The following MPP2 variants were observed in gnomAD, a reference collection of about 807,000 sequenced individuals.
MPP2 encodes MAGUK p55 scaffold protein 2.
MPP2 carries 42 observed loss-of-function variants against 58.5 expected under a neutral mutation model. The observed-to-expected ratio is 0.72, with a 90% confidence interval of 0.56 to 0.93. The LOEUF (loss-of-function observed/expected upper bound fraction) is 0.93, where lower values mean the gene tolerates loss of function less well. Among genes scored for constraint, MPP2 ranks in the 40% least tolerant of loss-of-function variants. The pLI is 0.00. For missense variants in MPP2, 632 were observed against 760.4 expected (o/e 0.83, Z 1.99); for synonymous variants, 300 against 307.8 (o/e 0.97, Z 0.26).
rs772390860 is a variant in MPP2 at position 43,879,390 on chromosome 17, AG to A, written c.1366del (p.Leu456TyrfsTer24). The A allele has an allele frequency of 6.2e-7, 1 of 1,614,166 alleles. No homozygotes were observed. The highest frequency in any genetic ancestry group is 8.5e-7 in the Non-Finnish European group (1 of 1,179,998). Reference protein sequence around the residue: ...LDVNPQAVKVLRTAEFVPYVV... With the variant: ...LDVNPQAVKVXRTAEFVPYVV... ...GTAAGGGACAAACTCGGCCGTTCGT[AG>A]CACCTTCACCGCCTGCAGAAGGAGA... On this transcript the variant is annotated frameshift_variant, in exon 12 of 13. Transcript: ENST00000269095. LOFTEE classifies it high-confidence loss of function. The surrounding 1 kb of genome is among the most constrained non-coding windows in gnomAD (Gnocchi z 4.1).
chr17:43,906,263 A>G, intron 1 of MPP2: 4 of 421,532 alleles, frequency 9.5e-6, no homozygotes, highest in Non-Finnish European at 1.3e-5. Context: ...TTCCCAGAGC[A>G]TCGGCTGGCT....
intron 3 of MPP2, among the ~76,000 whole-genome samples, chr17:43,891,768 A>G (rs986796044): frequency 6.6e-6 from 1 of 152,176 alleles, no homozygotes; most frequent in Non-Finnish European, 1.5e-5. Flanking sequence ...TTAATTTTTT[A>G]AAAATTCCTC....
intron 3 of MPP2, among the ~76,000 whole-genome samples, chr17:43,897,990 T>C (rs1242199577): frequency 6.6e-6 from 1 of 152,180 alleles, no homozygotes; most frequent in African/African-American, 2.4e-5. Context: ...TTCTCCAACA[T>C]GTGCATGCTA....
chr17:43,896,127 C>T (rs1290422888), intron 3 of MPP2, among the ~76,000 whole-genome samples: 2 of 152,098 alleles, frequency 1.3e-5, no homozygotes, highest in Non-Finnish European at 2.9e-5. Flanking sequence ...ACAGAAAACC[C>T]ACCACCTGGC....
rs981642395 is a variant in MPP2, at chr17:43,875,856, G to C, written c.*1951C>G. On this transcript the variant is annotated 3_prime_UTR_variant, in exon 13 of 13. Transcript: ENST00000269095. ...GGGGGCAGAAGCAGCTGCAACAACAGATCTTCCCCTGCCTCTACCCTCAAA... is the reference window on the plus strand; with the variant it reads ...GGGGGCAGAAGCAGCTGCAACAACACATCTTCCCCTGCCTCTACCCTCAAA... The C allele has an allele frequency of 1.3e-5, 2 of 152,330 alleles. No homozygotes were observed. Among genetic ancestry groups the C allele is most frequent in the Middle Eastern group, 3.4e-3 (1 of 294 alleles). 9.4% of individuals were successfully genotyped at this position (152,330 alleles called of 1,614,324 possible). A position where few individuals can be genotyped will look rare whatever the true frequency, so the allele number is the denominator to read the frequency against.
chr17:43,907,454 G>A lies in MPP2; in HGVS notation c.-34+20C>T. The A allele has an allele frequency of 1.0e-6, 1 of 985,604 alleles. No homozygotes were observed. The highest frequency in any genetic ancestry group is 1.2e-6 in the Non-Finnish European group (1 of 830,048). 61.1% of individuals were successfully genotyped at this position (985,604 alleles called of 1,614,324 possible). On this transcript the variant is annotated intron_variant, in intron 1 of 12. Coordinates refer to ENST00000269095, the MANE Select transcript of MPP2 (RefSeq NM_005374.5). ...GAGGTCTTGGGATAGGAGCTGGCCC[G>A]GGGGCCGGGGGACGCCTACCTGCGC...
chr17:43,894,424 T>A (rs1441054534), intron 3 of MPP2, among the ~76,000 whole-genome samples: 1 of 11,168 alleles, frequency 9.0e-5, no homozygotes, highest in African/African-American at 3.0e-4. Context: ...TCAAAATATA[T>A]ATATATATAT....
intron 2 of MPP2, chr17:43,900,444 G>GGCC: frequency 7.2e-6 from 6 of 836,960 alleles, no homozygotes; most frequent in Non-Finnish European, 1.1e-5. Flanking sequence ...CAGCTGCCCC[G>GGCC]CCCCCATCTG....
At position 43,879,654 on chromosome 17, in the gene MPP2, T is replaced by C. The variant is rs2047010822; in HGVS notation, c.1353+128A>G. ...AAAGGTTCCAGGTGGGCTGGGTTTC[T>C]AGCAGTAGTTGAGGGCAAAGGGGGT... On this transcript the variant is annotated intron_variant, in intron 11 of 12. Coordinates refer to ENST00000269095, the MANE Select transcript of MPP2 (RefSeq NM_005374.5). The surrounding 1 kb of genome is among the most constrained non-coding windows in gnomAD (Gnocchi z 4.1). 1.1e-5 allele frequency: 13 copies of C among 1,165,540 alleles called. No homozygotes were observed. The highest frequency in any genetic ancestry group is 1.6e-5 in the Non-Finnish European group (13 of 824,376). 72.2% of individuals were successfully genotyped at this position (1,165,540 alleles called of 1,614,324 possible).
At chr17:43,906,557 A>C (rs2143812906) in intron 1 of MPP2, among the ~76,000 whole-genome samples, 1 of 152,242 alleles carries the variant, frequency 6.6e-6, no homozygotes, top group East Asian at 1.9e-4. Context: ...ACACATACAA[A>C]GAGGTGCGGA....
At chr17:43,881,937 C>G (rs925871617) in intron 6 of MPP2, among the ~76,000 whole-genome samples, 2 of 152,158 alleles carry the variant, frequency 1.3e-5, no homozygotes, top group Admixed American at 6.5e-5. Context: ...GCAGCCACAC[C>G]CCCAGAATTG....
chr17:43,908,312 C>A (rs1597824539), upstream of MPP2, among the ~76,000 whole-genome samples: 1 of 152,248 alleles, frequency 6.6e-6, no homozygotes, highest in Non-Finnish European at 1.5e-5. Flanking sequence ...CTGTGCAGTG[C>A]GACTAGCATT....
At chr17:43,900,261 T>C (rs915140421) in intron 2 of MPP2, among the ~76,000 whole-genome samples, 11 of 152,232 alleles carry the variant, frequency 7.2e-5, no homozygotes, top group African/African-American at 2.4e-4. Context: ...CAGGGACCCT[T>C]CCCTTCCTGC....
chr17:43,898,957 T>C (rs1597804930), intron 2 of MPP2, among the ~76,000 whole-genome samples: 1 of 151,748 alleles, frequency 6.6e-6, no homozygotes, highest in Admixed American at 6.6e-5. Flanking sequence ...AGAGCAAGAC[T>C]GTCTCTGGCC....
intron 2 of MPP2, chr17:43,900,374 T>TC (rs2048037349): frequency 1.4e-6 from 2 of 1,430,216 alleles, no homozygotes; most frequent in African/African-American, 2.8e-5. Flanking sequence ...TCAGATGACC[T>TC]CTCCCAGGCC....
At chr17:43,887,315 T>C (rs919134168) in intron 3 of MPP2, among the ~76,000 whole-genome samples, 4 of 152,134 alleles carry the variant, frequency 2.6e-5, no homozygotes, top group African/African-American at 7.2e-5. Flanking sequence ...ACCCAGGAGA[T>C]TGAGGCTGCA....
In MPP2 at chr17:43,880,669, G is replaced by A. The variant is rs1222305039; in HGVS notation, c.1150+22C>T. The stretch of plus-strand genomic sequence containing the variant: ...AGCCCTGCTCCTTGTCCCCAACTCA[G>A]CAGGGCCCAGCTCCCACTCACAGGG... On this transcript the variant is annotated intron_variant, in intron 10 of 12. Transcript: ENST00000269095. The surrounding 1 kb of genome is among the most constrained non-coding windows in gnomAD (Gnocchi z 5.2). 6.3e-7 allele frequency: 1 copy of A among 1,583,100 alleles called. No homozygotes were observed. Among genetic ancestry groups the A allele is most frequent in the Non-Finnish European group, 8.6e-7 (1 of 1,160,718 alleles).
At position 43,882,227 on chromosome 17, in the gene MPP2, C is replaced by T. The variant is rs1404414785; in HGVS notation, c.681+57G>A. The T allele has an allele frequency of 4.6e-6, 7 of 1,509,670 alleles. No individual in the cohort carries two copies. In the Admixed American group the frequency reaches 8.6e-5, roughly 19 times the overall value. The allele number at this position is 1,509,670 out of a possible 1,614,324, so 93.5% of individuals were successfully genotyped here. A position where few individuals can be genotyped will look rare whatever the true frequency, so the allele number is the denominator to read the frequency against. On this transcript the variant is annotated intron_variant, in intron 6 of 12. Coordinates refer to ENST00000269095, the MANE Select transcript of MPP2 (RefSeq NM_005374.5). ...GGAGGGCCTCCGTGAGACCTGCAAC[C>T]TTGACAGCCAGGAGGCTCAGCCATC...
In MPP2 at chr17:43,877,539, G is replaced by T; in HGVS notation, c.*268C>A. On this transcript the variant is annotated 3_prime_UTR_variant, in exon 13 of 13. Transcript: ENST00000269095. ...ATGGAGGTGACTCTGACACATTCCTGGGCATAGCTTGGCCCTCAGAGATAT... is the reference window on the plus strand; with the variant it reads ...ATGGAGGTGACTCTGACACATTCCTTGGCATAGCTTGGCCCTCAGAGATAT... The T allele has an allele frequency of 2.1e-6, 1 of 477,744 alleles. No individual in the cohort carries two copies. 29.6% of individuals were successfully genotyped at this position (477,744 alleles called of 1,614,324 possible).
Sources: gnomAD v4.1 joint callset for allele counts (sites outside exome capture counted in the v4.1 genomes callset) on GRCh38, gnomAD v4.1.1 for gene constraint, Gnocchi (gnomAD v3.1) non-coding constraint, MANE v1.5 for transcripts, NCBI Gene and HGNC (gene_info 2026-07-23, HGNC 2026-07-21) for gene names.